Variants in PRKX observed in about 807,000 individuals in gnomAD.
The protein encoded by PRKX is cAMP-dependent protein kinase catalytic subunit PRKX.
Under a neutral mutation model 22.0 loss-of-function variants are expected in PRKX, and 12 were observed. That is an observed-to-expected ratio of 0.54 (90% CI 0.35 to 0.88). The LOEUF is 0.88. PRKX is among the 40% of genes least tolerant of loss of function. The pLI is 0.01. For synonymous variants in PRKX, 134 were observed against 137.7 expected, an observed-to-expected ratio of 0.97 and a Z score of 0.19; for missense variants, 217 against 308.0, an observed-to-expected ratio of 0.70 and a Z score of 2.21.
chrX:3,651,114 A>C (rs1927323696), intron 3 of PRKX, among the ~76,000 whole-genome samples: 1 of 109,739 alleles, frequency 9.1e-6, no homozygotes, highest in South Asian at 3.9e-4. Flanking sequence ...CAAAAAAAAA[A>C]AGGAGAAAAA....
chrX:3,610,574 AC>A (rs1319798649), intron 8 of PRKX, among the ~76,000 whole-genome samples: 1 of 111,121 alleles, frequency 9.0e-6, no homozygotes, highest in East Asian at 2.8e-4. Context: ...ACTTACTTAC[AC>A]ATACTTTCTC....
chrX:3,674,878 A>G (rs1034979664), intron 1 of PRKX, 112 bp from the exon 2 acceptor site: 3 of 890,983 alleles, frequency 3.4e-6, no homozygotes, highest in African/African-American at 3.9e-5. Flanking sequence ...ACAGACCCCA[A>G]GTGAAACTTT....
rs1926383326 is a variant in PRKX, at chrX:3,614,841, TAC to T, written c.951+972_951+973del. Among the ~76,000 whole-genome samples the T allele has an allele frequency of 3.6e-5, 4 of 109,999 alleles. No individual in the cohort carries two copies. The South Asian group carries it at 1.6e-3, about 43-fold the overall frequency. On this transcript the variant is annotated intron_variant, in intron 7 of 8. Coordinates refer to ENST00000262848, the MANE Select transcript of PRKX (RefSeq NM_005044.5). ...ACCCTGGTTACCCTCAGTTGATCAT[TAC>T]ACATTCTATGCGTGTGTCAAAATAT...
chrX:3,697,933 C>T (rs1928478309), intron 1 of PRKX, among the ~76,000 whole-genome samples: 1 of 111,609 alleles, frequency 9.0e-6, no homozygotes. Flanking sequence ...CAAGGGCATC[C>T]CAAGGGAACA....
At chrX:3,709,718 T>C (rs1928749994) in intron 1 of PRKX, among the ~76,000 whole-genome samples, 1 of 112,072 alleles carries the variant, frequency 8.9e-6, no homozygotes, top group Non-Finnish European at 1.9e-5. Context: ...AAAATAAGGC[T>C]GGTAGATGGC....
intron 1 of PRKX, among the ~76,000 whole-genome samples, chrX:3,682,361 G>A (rs768545376): frequency 1.0e-3 from 110 of 110,442 alleles, no homozygotes; most frequent in African/African-American, 3.4e-3. Flanking sequence ...GAAAAGATAC[G>A]TTGACATCCT....
At chrX:3,662,777 T>C (rs1445332675) in intron 2 of PRKX, among the ~76,000 whole-genome samples, 2 of 104,148 alleles carry the variant, frequency 1.9e-5, no homozygotes, top group African/African-American at 7.1e-5. Context: ...GAGACAGAGG[T>C]AGCAGAATCA....
chrX:3,651,774 T>C (rs1603474057), intron 3 of PRKX, among the ~76,000 whole-genome samples: 1 of 111,661 alleles, frequency 9.0e-6, no homozygotes, highest in Non-Finnish European at 1.9e-5. Context: ...AATATGGAAA[T>C]ATAAAATGTA....
chrX:3,655,561 G>A, intron 2 of PRKX, 149 bp from the exon 3 acceptor site: 2 of 626,120 alleles, frequency 3.2e-6, no homozygotes, highest in Non-Finnish European at 4.9e-6. Context: ...TCGGGACATG[G>A]AGCACACAGA....
At chrX:3,638,869 A>G (rs1461654161) in intron 4 of PRKX, among the ~76,000 whole-genome samples, 1 of 106,422 alleles carries the variant, frequency 9.4e-6, no homozygotes, top group Admixed American at 1.0e-4. Flanking sequence ...ATAGGCACAT[A>G]GATAAATAGG....
chrX:3,665,085 G>GGC (rs1159347309), intron 2 of PRKX, among the ~76,000 whole-genome samples: 4 of 112,079 alleles, frequency 3.6e-5, no homozygotes, highest in Admixed American at 2.8e-4. Flanking sequence ...AACTGCACGG[G>GGC]GCGCGCGCGT....
At chrX:3,627,781 G>A (rs1466606006) in intron 4 of PRKX, among the ~76,000 whole-genome samples, 1 of 111,078 alleles carries the variant, frequency 9.0e-6, no homozygotes, top group Non-Finnish European at 1.9e-5. Context: ...GAACTCTTAC[G>A]CAATGTTGGT....
chrX:3,701,825 C>T (rs72622512), intron 1 of PRKX, among the ~76,000 whole-genome samples: 3,875 of 111,798 alleles, frequency 0.035, 118 homozygotes, highest in East Asian at 0.19. Context: ...CACTGCTACA[C>T]TCCCATCAGC....
chrX:3,687,386 T>TCA (rs1447821527), intron 1 of PRKX, among the ~76,000 whole-genome samples: 1 of 112,006 alleles, frequency 8.9e-6, no homozygotes, highest in Non-Finnish European at 1.9e-5. Context: ...TAATGAGAAA[T>TCA]CATGTGGGTG....
intron 1 of PRKX, among the ~76,000 whole-genome samples, chrX:3,707,096 C>A (rs1569066194): frequency 3.6e-5 from 4 of 111,294 alleles, no homozygotes; most frequent in Non-Finnish European, 7.5e-5. Context: ...CCACGGCACC[C>A]CAGCCTGGGC....
chrX:3,642,465 G>A (rs1270435251), intron 3 of PRKX, among the ~76,000 whole-genome samples: 1 of 109,603 alleles, frequency 9.1e-6, no homozygotes, highest in African/African-American at 3.3e-5. Flanking sequence ...CAGACACCTG[G>A]CCGCTGGAAG....
chrX:3,662,977 A>G (rs1260903364), intron 2 of PRKX, among the ~76,000 whole-genome samples: 1 of 99,412 alleles, frequency 1.0e-5, no homozygotes, highest in East Asian at 3.1e-4. Context: ...CATCTTGGGC[A>G]ACAGAGAAAG....
At chrX:3,705,117 T>C (rs1328215210) in intron 1 of PRKX, among the ~76,000 whole-genome samples, 1 of 111,490 alleles carries the variant, frequency 9.0e-6, no homozygotes, top group Non-Finnish European at 1.9e-5. Flanking sequence ...CACGGCAGAC[T>C]GGGGCTTAGA....
intron 1 of PRKX, among the ~76,000 whole-genome samples, chrX:3,686,733 G>A (rs1331621649): frequency 9.1e-6 from 1 of 109,687 alleles, no homozygotes; most frequent in African/African-American, 3.3e-5. Context: ...AATTCTTGTA[G>A]TTTTAGTAGA....
Sources: allele counts gnomAD v4.1 joint callset (sites outside exome capture counted in the v4.1 genomes callset), GRCh38; gene constraint gnomAD v4.1.1; transcripts MANE v1.5; gene names NCBI Gene and HGNC (gene_info 2026-07-23, HGNC 2026-07-21).